EFCAB6: variants seen among roughly 807,000 people sequenced by gnomAD.
EFCAB6 encodes EF-hand calcium binding domain 6.
EFCAB6 carries 156 observed loss-of-function variants against 169.8 expected under a neutral mutation model. The observed-to-expected ratio is 0.92, with a 90% CI of 0.81 to 1.05. EFCAB6 has a LOEUF of 1.05. EFCAB6 is among the 50% of genes least tolerant of loss of function. The probability of loss-of-function intolerance (pLI) is 0.00; values close to 1 mark genes in which losing one functional copy is unlikely to be tolerated. For missense variants in EFCAB6, 1,800 were observed against 1,829.1 expected (o/e 0.98, Z 0.29); for synonymous variants, 698 against 676.4 (o/e 1.03, Z -0.50).
chr22:43,554,748 T>C, intron 27 of EFCAB6, 121 bp downstream of exon 27: 1 of 855,568 alleles, frequency 1.2e-6, no homozygotes, highest in East Asian at 2.5e-5. Context: ...AAAAACAAAA[T>C]AACAAAACTG....
At chr22:43,766,130 G>A (rs151251602) in intron 4 of EFCAB6, among the ~76,000 whole-genome samples, 50 of 152,228 alleles carry the variant, frequency 3.3e-4, no homozygotes, top group Admixed American at 2.3e-3. Context: ...TCGCCTCCCC[G>A]GTTCATGCAA....
rs191202250 is a variant in EFCAB6, at chr22:43,602,464, G to A, written c.2682-2201C>T. ...GGTAATGCTAAGATGGCTGCAGGGA[G>A]GAAGTTGAATTTCACATGGACATAC... On this transcript the variant is annotated intron_variant, in intron 22 of 31. Coordinates refer to ENST00000262726, the MANE Select transcript of EFCAB6 (RefSeq NM_022785.4). Among the ~76,000 whole-genome samples the A allele has an allele frequency of 9.2e-5, 14 of 152,260 alleles. No homozygotes were observed. In the East Asian group the frequency reaches 2.5e-3, roughly 27 times the overall value.
At chr22:43,558,000 T>C (rs758764163) in intron 26 of EFCAB6, among the ~76,000 whole-genome samples, 2 of 152,176 alleles carry the variant, frequency 1.3e-5, no homozygotes, top group Non-Finnish European at 2.9e-5. Flanking sequence ...AAATAAAACA[T>C]TGTAAACATG....
chr22:43,643,438 G>A (rs1485663338), intron 17 of EFCAB6, among the ~76,000 whole-genome samples: 1 of 152,202 alleles, frequency 6.6e-6, no homozygotes, highest in Non-Finnish European at 1.5e-5. Flanking sequence ...GCCCAGAGAT[G>A]CAAGAGCCTG....
At chr22:43,632,282 G>GCT (rs1569284652) in intron 18 of EFCAB6, 44 bp from the exon 19 acceptor site, 1 of 1,427,290 alleles carries the variant, frequency 7.0e-7, no homozygotes, top group Non-Finnish European at 9.5e-7. Context: ...GTGCCCATCA[G>GCT]CTTCATTCCT....
At chr22:43,535,340 T>C (rs2047323058) in intron 29 of EFCAB6, 1 of 154,060 alleles carries the variant, frequency 6.5e-6, no homozygotes, top group Non-Finnish European at 1.4e-5. Context: ...GTGTCTGTTA[T>C]GCAAGGCAAA....
chr22:43,589,280 C>CAAAAAAAAAAAAAAAAAAA (rs1163346832), intron 24 of EFCAB6, among the ~76,000 whole-genome samples: 1 of 80,934 alleles, frequency 1.2e-5, no homozygotes, highest in Non-Finnish European at 2.4e-5. Context: ...GACTTCATGT[C>CAAAAAAAAAAAAAAAAAAA]AAAAAAAAAA....
intron 20 of EFCAB6, among the ~76,000 whole-genome samples, chr22:43,618,821 C>T (rs751144984): frequency 6.6e-6 from 1 of 152,020 alleles, no homozygotes; most frequent in Non-Finnish European, 1.5e-5. Flanking sequence ...GTGGCCAAAA[C>T]GTTAAAATTT....
rs200125645 is a variant in EFCAB6, at chr22:43,543,170, G to A, written c.3649-2813C>T. Among the ~76,000 whole-genome samples, 61 of 152,260 alleles carry A rather than the reference G, an allele frequency of 4.0e-4. No homozygotes were observed. The East Asian group carries it at 8.7e-3, about 22-fold the overall frequency. On this transcript the variant is annotated intron_variant, in intron 27 of 31. Coordinates refer to ENST00000262726, the MANE Select transcript of EFCAB6 (RefSeq NM_022785.4). ...ACAGCCCCAGGCTCCAAGGAGAGCC[G>A]GACTTGCCACCAGCTCTCACCCCTG...
intron 23 of EFCAB6, among the ~76,000 whole-genome samples, chr22:43,597,015 T>A (rs1018140712): frequency 6.6e-6 from 1 of 152,112 alleles, no homozygotes; most frequent in African/African-American, 2.4e-5. Context: ...AAAGTCTCTT[T>A]AATAAATGGT....
chr22:43,648,071 C>T (rs1602936295), intron 17 of EFCAB6, among the ~76,000 whole-genome samples: 1 of 152,080 alleles, frequency 6.6e-6, no homozygotes, highest in Non-Finnish European at 1.5e-5. Flanking sequence ...TTTCCTAAGG[C>T]TGTTGTAATA....
At chr22:43,634,851 G>A (rs923799914) in intron 18 of EFCAB6, among the ~76,000 whole-genome samples, 1 of 152,122 alleles carries the variant, frequency 6.6e-6, no homozygotes, top group East Asian at 1.9e-4. Flanking sequence ...AGGCTTTGGG[G>A]CACAAACTTT....
At chr22:43,529,025 T>C (rs757466018) in intron 31 of EFCAB6, 50 bp from the exon 32 acceptor site, 1 of 1,516,338 alleles carries the variant, frequency 6.6e-7, no homozygotes, top group Non-Finnish European at 9.0e-7. Flanking sequence ...TGCCCTAGGT[T>C]AAGGAGGCAG....
At chr22:43,618,420 G>A (rs994936935) in intron 20 of EFCAB6, among the ~76,000 whole-genome samples, 8 of 152,052 alleles carry the variant, frequency 5.3e-5, no homozygotes, top group African/African-American at 1.9e-4. Flanking sequence ...TCCGGTCCCA[G>A]TTAAGATGGA....
chr22:43,773,067 T>C lies in EFCAB6; in HGVS notation c.176A>G (p.Asp59Gly). 1 of 1,614,220 alleles carries C rather than the reference T, an allele frequency of 6.2e-7. No homozygotes were observed. The highest frequency in any genetic ancestry group is 2.2e-5 in the East Asian group (1 of 44,890). ...AVANPTLSSL[D>G]VKRILFQKIT... Reference sequence around the variant, plus strand: ...TTTTTGAAATAAAATCCGTTTAACATCTAAGGAGGACAGTGTTGGATTTGC... The same window carrying C: ...TTTTTGAAATAAAATCCGTTTAACACCTAAGGAGGACAGTGTTGGATTTGC... Residue 59 changes from aspartate to glycine, a missense_variant, in exon 4 of 32, where the codon GAT (aspartate) becomes GGT (glycine). Coordinates refer to ENST00000262726, the MANE Select transcript of EFCAB6 (RefSeq NM_022785.4).
chr22:43,794,483 G>A (rs371781443), intron 2 of EFCAB6, among the ~76,000 whole-genome samples: 23 of 152,284 alleles, frequency 1.5e-4, no homozygotes, highest in African/African-American at 4.8e-4. Context: ...ATGTGTATGT[G>A]TGTATGCATT....
rs375467385 is a variant in EFCAB6, at chr22:43,555,171, G to A, written c.3421-75C>T. 1.0e-4 allele frequency: 155 copies of A among 1,498,840 alleles called. No homozygotes were observed. In the African/African-American group the frequency reaches 2.0e-3, roughly 20 times the overall value. 92.8% of individuals were successfully genotyped at this position (1,498,840 alleles called of 1,614,324 possible). A position where few individuals can be genotyped will look rare whatever the true frequency, so the allele number is the denominator to read the frequency against. ...CTCTTGCTCTGGGCTCCTCACCCAG[G>A]GCAAGTTGCAGGGAGACCCAGCGTG... On this transcript the variant is annotated intron_variant, in intron 26 of 31. Coordinates refer to ENST00000262726, the MANE Select transcript of EFCAB6 (RefSeq NM_022785.4).
At chr22:43,689,040 AAGAG>A (rs1393574122) in intron 10 of EFCAB6, among the ~76,000 whole-genome samples, 1 of 152,118 alleles carries the variant, frequency 6.6e-6, no homozygotes, top group Non-Finnish European at 1.5e-5. Flanking sequence ...CCCACCACAA[AAGAG>A]AGAGTGAAGG....
At position 43,684,923 on chromosome 22, in the gene EFCAB6, C is replaced by T. The variant is rs1232944030; in HGVS notation, c.1143-1068G>A. Reference sequence around the variant, plus strand: ...CCACTAGATCAGTGCAGGTTTGGATCTTAATCCTGAAAGATGCAATCCCAA... The same window carrying T: ...CCACTAGATCAGTGCAGGTTTGGATTTTAATCCTGAAAGATGCAATCCCAA... On this transcript the variant is annotated intron_variant, in intron 11 of 31. Coordinates refer to ENST00000262726, the MANE Select transcript of EFCAB6 (RefSeq NM_022785.4). Among the ~76,000 whole-genome samples the T allele has an allele frequency of 6.6e-5, 10 of 152,256 alleles. No homozygotes were observed. In the East Asian group the frequency reaches 7.7e-4, roughly 12 times the overall value.
Sources: gnomAD v4.1 joint callset for allele counts (sites outside exome capture counted in the v4.1 genomes callset) on GRCh38, gnomAD v4.1.1 for gene constraint, MANE v1.5 for transcripts, NCBI Gene and HGNC (gene_info 2026-07-23, HGNC 2026-07-21) for gene names.